Variants in SLC24A2 observed in about 807,000 individuals in gnomAD.
SLC24A2 encodes solute carrier family 24 member 2, also known as sodium/potassium/calcium exchanger 2.
A neutral mutation model predicts 62.0 loss-of-function variants in SLC24A2; 36 were observed. The ratio of observed to expected loss-of-function variants is 0.58; its 90% CI spans 0.44 to 0.77. The LOEUF (loss-of-function observed/expected upper bound fraction) is 0.77. Ranked by LOEUF, SLC24A2 falls within the 30% of genes least tolerant of loss-of-function variation. The probability of loss-of-function intolerance (pLI) is 0.00; values close to 1 mark genes in which losing one functional copy is unlikely to be tolerated. For missense variants in SLC24A2, 846 were observed against 817.9 expected, an observed-to-expected ratio of 1.03 and a Z score of -0.42; for synonymous variants, 358 against 294.0, an observed-to-expected ratio of 1.22 and a Z score of -2.23.
the SLC24A2 span, among the ~76,000 whole-genome samples, chr9:19,835,383 C>A: frequency 1.5e-5 from 2 of 134,160 alleles, no homozygotes; most frequent in African/African-American, 5.0e-5. Context: ...GGAGGAATAT[C>A]TACCAAGCAA....
chr9:19,531,013 T>C (rs1287381863), intron 8 of SLC24A2, among the ~76,000 whole-genome samples: 1 of 152,150 alleles, frequency 6.6e-6, no homozygotes, highest in African/African-American at 2.4e-5. Context: ...ATCATGATCA[T>C]GATCATCATA....
chr9:19,786,796 C>T lies in SLC24A2; in HGVS notation c.71G>A (p.Cys24Tyr). 1 of 1,608,680 alleles carries T rather than the reference C, an allele frequency of 6.2e-7. No individual in the cohort carries two copies. Among genetic ancestry groups the T allele is most frequent in the East Asian group, 2.2e-5 (1 of 44,836 alleles). Residue 24 changes from cysteine to tyrosine, a missense_variant, in exon 2 of 11, where the codon TGC becomes TAC. Physicochemically the swap from Cys to Tyr is radical, Grantham distance 194. Transcript: ENST00000341998. This position sits in a 1 kb window ranked among gnomAD's most constrained non-coding sequence, Gnocchi z 5.0. Reference sequence around the variant, plus strand: ...TTTCTTGACACTATAATGTCTTCTGCAGCCAGACAGTGACTCATCCAAACA... The same window carrying T: ...TTTCTTGACACTATAATGTCTTCTGTAGCCAGACAGTGACTCATCCAAACA... ...KWCLDESLSG[C>Y]RRHYSVKKKL...
chr9:20,118,031 A>T, the SLC24A2 span, among the ~76,000 whole-genome samples: 1 of 152,132 alleles, frequency 6.6e-6, no homozygotes, highest in African/African-American at 2.4e-5. Context: ...GCACATCTTT[A>T]TATTAAATTA....
At chr9:20,260,949 G>A in the SLC24A2 span, among the ~76,000 whole-genome samples, 3 of 146,420 alleles carry the variant, frequency 2.0e-5, no homozygotes, top group Admixed American at 7.2e-5. Flanking sequence ...TCCACCTCCC[G>A]GGTTCAAGCG....
At chr9:20,121,996 T>C in the SLC24A2 span, among the ~76,000 whole-genome samples, 4 of 152,322 alleles carry the variant, frequency 2.6e-5, no homozygotes, top group East Asian at 5.8e-4. Flanking sequence ...AATCTGCTAA[T>C]GCAGCATTCC....
chr9:20,095,767 A>T, the SLC24A2 span, among the ~76,000 whole-genome samples: 1 of 152,116 alleles, frequency 6.6e-6, no homozygotes, highest in African/African-American at 2.4e-5. Context: ...TATTAAAAAA[A>T]AAAGAGTTTT....
the SLC24A2 span, among the ~76,000 whole-genome samples, chr9:20,233,992 G>A: frequency 5.9e-5 from 9 of 152,130 alleles, no homozygotes; most frequent in South Asian, 8.3e-4. Context: ...ACGAAGCTTA[G>A]TTTGGCTGGA....
chr9:20,267,163 C>T, the SLC24A2 span, among the ~76,000 whole-genome samples: 2 of 152,010 alleles, frequency 1.3e-5, no homozygotes, highest in African/African-American at 4.8e-5. Context: ...GTTCTTCAGA[C>T]CCAATTTGGA....
chr9:20,060,309 G>T, the SLC24A2 span, among the ~76,000 whole-genome samples: 1 of 152,012 alleles, frequency 6.6e-6, no homozygotes, highest in South Asian at 2.1e-4. Context: ...ATTCCAAAAA[G>T]CCAGCTTTAT....
the SLC24A2 span, among the ~76,000 whole-genome samples, chr9:20,072,599 G>T: frequency 6.6e-6 from 1 of 151,868 alleles, no homozygotes; most frequent in African/African-American, 2.4e-5. Context: ...ATATGATTAA[G>T]TCAGATATCT....
chr9:19,642,806 G>A (rs1818539161), intron 2 of SLC24A2, among the ~76,000 whole-genome samples: 2 of 148,270 alleles, frequency 1.3e-5, no homozygotes, highest in Admixed American at 6.7e-5. Context: ...TCAGCCTCCC[G>A]AGTAGCTGGG....
chr9:20,301,863 C>T, the SLC24A2 span, among the ~76,000 whole-genome samples: 1 of 152,130 alleles, frequency 6.6e-6, no homozygotes, highest in Non-Finnish European at 1.5e-5. Context: ...ATTCAGAGTA[C>T]TTTCACTGCC....
the SLC24A2 span, among the ~76,000 whole-genome samples, chr9:20,077,763 C>T: frequency 6.6e-6 from 1 of 152,206 alleles, no homozygotes; most frequent in South Asian, 2.1e-4. Flanking sequence ...GCAAGCTTGA[C>T]AACTCTGATT....
At chr9:19,799,912 G>A in the SLC24A2 span, among the ~76,000 whole-genome samples, 2 of 152,084 alleles carry the variant, frequency 1.3e-5, no homozygotes, top group Admixed American at 1.3e-4. Flanking sequence ...CACAGTTCTG[G>A]AGGCTAGGAA....
the SLC24A2 span, among the ~76,000 whole-genome samples, chr9:20,038,632 C>CA: frequency 1.0e-3 from 109 of 108,700 alleles, no homozygotes; most frequent in East Asian, 1.4e-3. Flanking sequence ...AAGAAACAAA[C>CA]AAAAAAAAAA....
chr9:19,595,053 G>A (rs540180034), intron 5 of SLC24A2, among the ~76,000 whole-genome samples: 4 of 152,206 alleles, frequency 2.6e-5, no homozygotes, highest in Non-Finnish European at 5.9e-5. Context: ...ATCTTTCAGA[G>A]GTTCCTGTTC....
At chr9:20,222,900 T>A in the SLC24A2 span, among the ~76,000 whole-genome samples, 1 of 152,056 alleles carries the variant, frequency 6.6e-6, no homozygotes, top group Non-Finnish European at 1.5e-5. Context: ...TTCGCTTTAA[T>A]ACGGTAATGA....
At chr9:20,132,266 A>G in the SLC24A2 span, among the ~76,000 whole-genome samples, 2 of 152,200 alleles carry the variant, frequency 1.3e-5, no homozygotes, top group South Asian at 2.1e-4. Flanking sequence ...CAGCACACCC[A>G]TTGGAACCGA....
At chr9:19,850,145 C>T in the SLC24A2 span, among the ~76,000 whole-genome samples, 1 of 151,108 alleles carries the variant, frequency 6.6e-6, no homozygotes, top group African/African-American at 2.4e-5. Context: ...TTATAAAGAC[C>T]TTAAAATAAT....
Sources: allele counts gnomAD v4.1 joint callset (sites outside exome capture counted in the v4.1 genomes callset), GRCh38; gene constraint gnomAD v4.1.1; non-coding constraint Gnocchi (gnomAD v3.1); transcripts MANE v1.5; gene names NCBI Gene and HGNC (gene_info 2026-07-23, HGNC 2026-07-21).